Variants in ST3GAL1 observed in about 807,000 individuals in gnomAD.
ST3GAL1 encodes the protein CMP-N-acetylneuraminate-beta-galactosamide-alpha-2,3-sialyltransferase 1.
In ST3GAL1, 16 loss-of-function variants were observed where a neutral mutation model predicts 34.1. The observed-to-expected ratio is 0.47, with a 90% CI of 0.32 to 0.71. ST3GAL1 has a LOEUF of 0.71. ST3GAL1 is among the 30% of genes least tolerant of loss of function. ST3GAL1 has a pLI of 0.04. For synonymous variants in ST3GAL1, 191 were observed against 184.7 expected (o/e 1.03, Z -0.28); for missense variants, 353 against 447.4 (o/e 0.79, Z 1.90).
intron 2 of ST3GAL1, among the ~76,000 whole-genome samples, chr8:133,540,776 G>C (rs28649434): frequency 1.4e-5 from 1 of 73,836 alleles, no homozygotes; most frequent in African/African-American, 7.4e-5. Context: ...TATATATATA[G>C]AGACATATAT....
chr8:133,566,617 T>A (rs1237846137), intron 1 of ST3GAL1, among the ~76,000 whole-genome samples: 1 of 152,200 alleles, frequency 6.6e-6, no homozygotes, highest in Non-Finnish European at 1.5e-5. Flanking sequence ...TCAGCCGGCC[T>A]GGATAGTAGC....
intron 2 of ST3GAL1, among the ~76,000 whole-genome samples, chr8:133,511,002 A>G (rs1042919196): frequency 5.9e-5 from 9 of 152,254 alleles, no homozygotes; most frequent in Non-Finnish European, 1.5e-5. Flanking sequence ...TTTAAATGAT[A>G]AACAGAAGTG....
At chr8:133,532,013 G>A (rs1470380853) in intron 2 of ST3GAL1, among the ~76,000 whole-genome samples, 2 of 152,104 alleles carry the variant, frequency 1.3e-5, no homozygotes, top group Admixed American at 1.3e-4. Context: ...GCTCCCCAGA[G>A]ACAAATGACA....
intron 9 of ST3GAL1, 81 bp from the exon 10 acceptor site, chr8:133,460,018 C>T (rs2130912181): frequency 6.8e-7 from 1 of 1,460,402 alleles, no homozygotes; most frequent in Non-Finnish European, 9.2e-7. Context: ...GTAGGCGTTC[C>T]TGGAATCCCA....
Position 133,466,346 on chromosome 8 carries a change from G to A in ST3GAL1, c.307-256C>T, listed in dbSNP as rs898913399. Among the ~76,000 whole-genome samples the A allele has an allele frequency of 6.6e-6, 1 of 152,178 alleles. No individual in the cohort carries two copies. The highest frequency in any genetic ancestry group is 6.5e-5 in the Admixed American group (1 of 15,282). Reference sequence around the variant, plus strand: ...TTACTGAGCACCTACCATGTGCCAGGCACTGCTGAAGCCGCTTGGGTGATC... The same window carrying A: ...TTACTGAGCACCTACCATGTGCCAGACACTGCTGAAGCCGCTTGGGTGATC... On this transcript the variant is annotated intron_variant, in intron 5 of 9. Transcript: ENST00000522652. This position sits in a 1 kb window ranked among gnomAD's most constrained non-coding sequence, Gnocchi z 4.4.
At position 133,569,528 on chromosome 8, in the gene ST3GAL1, C is replaced by T. The variant is rs1461283234; in HGVS notation, c.-582+2165G>A. On this transcript the variant is annotated intron_variant, in intron 1 of 9. Transcript: ENST00000522652. ...ACGCCGAGAGGTTAAGTCTGGCGAC[C>T]AAAGAGAGACAGAGACAGAGAGACG... Among the ~76,000 whole-genome samples, 3 of 152,100 alleles carry T rather than the reference C, an allele frequency of 2.0e-5. 1 individual carries two copies. The highest frequency in any genetic ancestry group is 4.2e-4 in the South Asian group (2 of 4,810).
chr8:133,562,790 TTTCTTTCCTTCC>T (rs756315855), intron 1 of ST3GAL1, among the ~76,000 whole-genome samples: 7,392 of 130,794 alleles, frequency 0.057, 281 homozygotes, highest in South Asian at 0.071. Flanking sequence ...TCTTTCTTTC[TTTCTTTCCTTCC>T]TTCCTTCCTT....
At chr8:133,538,360 T>G (rs929977193) in intron 2 of ST3GAL1, among the ~76,000 whole-genome samples, 4 of 151,880 alleles carry the variant, frequency 2.6e-5, no homozygotes, top group African/African-American at 9.7e-5. Context: ...ACTACAAATA[T>G]AAAAATTAGC....
chr8:133,544,836 C>T (rs150945825), intron 2 of ST3GAL1, among the ~76,000 whole-genome samples: 85 of 152,280 alleles, frequency 5.6e-4, no homozygotes, highest in African/African-American at 1.6e-3. Flanking sequence ...ACAGTGTGCA[C>T]GACAGAGAGA....
chr8:133,486,606 C>T (rs964799579), intron 3 of ST3GAL1, among the ~76,000 whole-genome samples: 3 of 152,228 alleles, frequency 2.0e-5, no homozygotes, highest in Admixed American at 2.0e-4. Flanking sequence ...GTCCTGGCCA[C>T]TGCAAGGTAA....
intron 2 of ST3GAL1, among the ~76,000 whole-genome samples, chr8:133,539,302 T>A (rs1818397362): frequency 6.6e-6 from 1 of 152,106 alleles, no homozygotes; most frequent in Non-Finnish European, 1.5e-5. Context: ...GCACCAGGAT[T>A]CCCACCGCCA....
intron 2 of ST3GAL1, among the ~76,000 whole-genome samples, chr8:133,531,038 T>TATAGCATAAATATAC (rs1463831481): frequency 6.6e-6 from 1 of 151,578 alleles, no homozygotes; most frequent in Non-Finnish European, 1.5e-5. Flanking sequence ...CTCCCACATT[T>TATAGCATAAATATAC]ATGATTATGC....
intron 2 of ST3GAL1, among the ~76,000 whole-genome samples, chr8:133,505,521 C>T (rs909425003): frequency 6.6e-6 from 1 of 152,150 alleles, no homozygotes; most frequent in Non-Finnish European, 1.5e-5. Context: ...AATTTGTTGG[C>T]TTGCAAATAG....
chr8:133,512,145 G>C (rs1228874508), intron 2 of ST3GAL1, among the ~76,000 whole-genome samples: 2 of 152,138 alleles, frequency 1.3e-5, no homozygotes, highest in Non-Finnish European at 2.9e-5. Context: ...GAAAATCAAG[G>C]AAACCAGTGG....
intron 2 of ST3GAL1, among the ~76,000 whole-genome samples, chr8:133,545,416 C>T (rs964068658): frequency 6.6e-6 from 1 of 152,224 alleles, no homozygotes; most frequent in East Asian, 1.9e-4. Flanking sequence ...TGCTCTAGGA[C>T]ACACCAGAGT....
chr8:133,494,474 C>T (rs141159303), intron 3 of ST3GAL1, among the ~76,000 whole-genome samples: 1 of 152,320 alleles, frequency 6.6e-6, no homozygotes, highest in South Asian at 2.1e-4. Flanking sequence ...ATCCATGAAA[C>T]ACTAACAGGC....
At chr8:133,488,970 G>A (rs1345209806) in intron 3 of ST3GAL1, among the ~76,000 whole-genome samples, 1 of 152,132 alleles carries the variant, frequency 6.6e-6, no homozygotes, top group African/African-American at 2.4e-5. Context: ...AGGGAACTGG[G>A]GACAGGCAGT....
At chr8:133,547,802 C>G (rs961093461) in intron 1 of ST3GAL1, among the ~76,000 whole-genome samples, 7 of 152,198 alleles carry the variant, frequency 4.6e-5, no homozygotes, top group Non-Finnish European at 1.0e-4. Flanking sequence ...AATGGTGATA[C>G]ATGAGGATAA....
chr8:133,466,022 A>C lies in ST3GAL1; in HGVS notation c.375T>G (p.Pro125=). ...TCTCCAGCATAGGGTCCACATTCCC[A>C]GGCACCACTCTGAACAGCTCCTTGA... ...DTIKELFRVV[P]GNVDPMLEKR... is the part of the protein sequence containing the mutation. The change falls in exon 6 of 10, where the codon CCT becomes CCG. Residue 125 remains proline, a synonymous_variant. Coordinates refer to ENST00000522652, the MANE Select transcript of ST3GAL1 (RefSeq NM_173344.3). This position sits in a 1 kb window ranked among gnomAD's most constrained non-coding sequence, Gnocchi z 4.4. 3 of 1,614,160 alleles carry C rather than the reference A, an allele frequency of 1.9e-6. No homozygotes were observed. In the South Asian group the frequency reaches 3.3e-5, roughly 18 times the overall value.
Sources: gnomAD v4.1 joint callset for allele counts (sites outside exome capture counted in the v4.1 genomes callset) on GRCh38, gnomAD v4.1.1 for gene constraint, Gnocchi (gnomAD v3.1) non-coding constraint, MANE v1.5 for transcripts, NCBI Gene and HGNC (gene_info 2026-07-23, HGNC 2026-07-21) for gene names.